The following ACKR2 variants were observed in gnomAD, a reference collection of about 807,000 sequenced individuals.
The protein encoded by ACKR2 is C-C chemokine receptor D6.
For synonymous variants in ACKR2, 207 were observed against 192.2 expected, an observed-to-expected ratio of 1.08 and a Z score of -0.64; for missense variants, 457 against 477.3, an observed-to-expected ratio of 0.96 and a Z score of 0.40.
intron 1 of ACKR2, among the ~76,000 whole-genome samples, chr3:42,811,049 C>T (rs1700689472): frequency 6.6e-6 from 1 of 152,162 alleles, no homozygotes; most frequent in South Asian, 2.1e-4. Flanking sequence ...GGGGTTTCAC[C>T]ATGTTGGCCA....
At chr3:42,853,074 T>A (rs746483284) in intron 2 of ACKR2, among the ~76,000 whole-genome samples, 6 of 152,162 alleles carry the variant, frequency 3.9e-5, no homozygotes, top group African/African-American at 7.2e-5. Context: ...CACAAAGCCC[T>A]GTGTAAGTGT....
At chr3:42,840,273 A>C (rs1701024452) in intron 2 of ACKR2, among the ~76,000 whole-genome samples, 1 of 151,344 alleles carries the variant, frequency 6.6e-6, no homozygotes, top group African/African-American at 2.4e-5. Context: ...AAAAAAAAAA[A>C]AAAAAAAAAA....
At chr3:42,843,272 T>C (rs886238565) in intron 2 of ACKR2, among the ~76,000 whole-genome samples, 3 of 151,718 alleles carry the variant, frequency 2.0e-5, no homozygotes, top group Non-Finnish European at 4.4e-5. Flanking sequence ...GATTTCACCA[T>C]GTTGGCCAAG....
intron 2 of ACKR2, among the ~76,000 whole-genome samples, 164 bp from the exon 3 acceptor site, chr3:42,864,302 A>G (rs2088411500): frequency 6.6e-6 from 1 of 152,220 alleles, no homozygotes; most frequent in Non-Finnish European, 1.5e-5. Context: ...TGGTGACATA[A>G]CTATTAAGTG....
chr3:42,815,430 A>G (rs1274800620), intron 1 of ACKR2, among the ~76,000 whole-genome samples: 1 of 152,210 alleles, frequency 6.6e-6, no homozygotes, highest in Non-Finnish European at 1.5e-5. Context: ...AGAAGATTCC[A>G]TGTCAGAAAA....
At chr3:42,826,112 C>T (rs1700862322) in intron 2 of ACKR2, among the ~76,000 whole-genome samples, 1 of 151,708 alleles carries the variant, frequency 6.6e-6, no homozygotes, top group South Asian at 2.1e-4. Flanking sequence ...GGTGTATAAC[C>T]CGTTATATCT....
chr3:42,861,664 C>T (rs951065466), intron 2 of ACKR2, among the ~76,000 whole-genome samples: 3 of 152,178 alleles, frequency 2.0e-5, no homozygotes, highest in Admixed American at 2.0e-4. Context: ...AGCTTATCTA[C>T]CACCATCAAG....
chr3:42,851,341 C>T (rs964931068), intron 2 of ACKR2: 11 of 984,652 alleles, frequency 1.1e-5, no homozygotes, highest in African/African-American at 1.7e-5. Context: ...AGGGGATGAG[C>T]GCATGGAAAG....
chr3:42,812,269 C>T (rs1282838251), intron 1 of ACKR2, among the ~76,000 whole-genome samples: 2 of 152,142 alleles, frequency 1.3e-5, no homozygotes, highest in East Asian at 3.9e-4. Context: ...ATTTGTTGTG[C>T]CAAGCCCTTA....
intron 2 of ACKR2, chr3:42,851,008 G>A (rs1259473219): frequency 6.6e-6 from 1 of 152,490 alleles, no homozygotes; most frequent in Non-Finnish European, 1.5e-5. Flanking sequence ...TTGCTGAGAA[G>A]GTATCCAGGA....
At chr3:42,859,179 C>T (rs2088354997) in intron 2 of ACKR2, among the ~76,000 whole-genome samples, 1 of 152,002 alleles carries the variant, frequency 6.6e-6, no homozygotes, top group South Asian at 2.1e-4. Flanking sequence ...CAGAGAACAC[C>T]ACAAAGATAC....
intron 2 of ACKR2, among the ~76,000 whole-genome samples, chr3:42,854,995 T>A (rs1015736540): frequency 1.3e-5 from 2 of 152,048 alleles, no homozygotes; most frequent in African/African-American, 2.4e-5. Context: ...TAGCTGGGAT[T>A]ACAGGTGTGC....
chr3:42,834,568 A>G, intron 2 of ACKR2: 1 of 151,700 alleles, frequency 6.6e-6, no homozygotes, highest in East Asian at 1.9e-4. Context: ...TTTTTAATTA[A>G]TTAATTAATT....
chr3:42,864,751 C>G lies in ACKR2; in HGVS notation c.249C>G (p.Ile83Met). ...RYVPRRRMVE[I>M]YLLNLAISNL... ...TGCCTCGCAGGCGGATGGTTGAGAT[C>G]TATCTGCTGAATCTGGCCATCTCCA... The change falls in exon 3 of 3, where the codon ATC (isoleucine) becomes ATG (methionine). Residue 83 changes from isoleucine to methionine, a missense_variant. Ile to Met is a conservative substitution (Grantham distance 10, BLOSUM62 1). Transcript: ENST00000422265. The G allele has an allele frequency of 6.2e-7, 1 of 1,614,226 alleles. No homozygotes were observed. Among genetic ancestry groups the G allele is most frequent in the Non-Finnish European group, 8.5e-7 (1 of 1,180,044 alleles).
rs527270252 is a variant in ACKR2 at position 42,859,381 on chromosome 3, A to T, written c.-37-5085A>T. Among the ~76,000 whole-genome samples the T allele has an allele frequency of 4.9e-5, 7 of 141,496 alleles. No individual in the cohort carries two copies. The South Asian group carries it at 9.0e-4, about 18-fold the overall frequency. The allele number at this position is 141,496 out of a possible 152,430, so 92.8% of individuals were successfully genotyped here. On this transcript the variant is annotated intron_variant, in intron 2 of 2. Transcript: ENST00000422265. ...AGTGGGGGTCCAATATTCAACATTC[A>T]TTTTTTTTTTTTTTTGAGACAGAGT...
chr3:42,840,658 C>G (rs1701027632), intron 2 of ACKR2, among the ~76,000 whole-genome samples: 1 of 152,180 alleles, frequency 6.6e-6, no homozygotes, highest in South Asian at 2.1e-4. Flanking sequence ...TTATGATACT[C>G]TATGTTGAGT....
intron 2 of ACKR2, among the ~76,000 whole-genome samples, chr3:42,831,038 AT>A (rs1202339151): frequency 1.3e-5 from 2 of 152,120 alleles, no homozygotes; most frequent in Non-Finnish European, 2.9e-5. Context: ...GGCAAAAAAA[AT>A]AAAAAAAAAG....
intron 2 of ACKR2, among the ~76,000 whole-genome samples, chr3:42,861,615 A>G (rs538239723): frequency 1.3e-5 from 2 of 152,350 alleles, no homozygotes; most frequent in African/African-American, 4.8e-5. Context: ...AAAATCCTCA[A>G]TAAAATGCTG....
At chr3:42,859,175 A>C (rs9836207) in intron 2 of ACKR2, among the ~76,000 whole-genome samples, 2,249 of 152,234 alleles carry the variant, frequency 0.015, 57 homozygotes, top group African/African-American at 0.05. Context: ...AATACAGAGA[A>C]CACCACAAAG....
Sources: allele counts gnomAD v4.1 joint callset (sites outside exome capture counted in the v4.1 genomes callset), GRCh38; gene constraint gnomAD v4.1.1; transcripts MANE v1.5; gene names NCBI Gene and HGNC (gene_info 2026-07-23, HGNC 2026-07-21).